NEBL: variants seen among roughly 807,000 people sequenced by gnomAD.
The protein encoded by NEBL is nebulette, also known as LIM and SH3 protein 2.
In NEBL, 122 loss-of-function variants were observed where a neutral mutation model predicts 140.2. The observed-to-expected ratio is 0.87, with a 90% confidence interval of 0.75 to 1.01. The LOEUF (loss-of-function observed/expected upper bound fraction) is 1.01, where lower values mean the gene tolerates loss of function less well. NEBL is among the 50% of genes least tolerant of loss of function. NEBL has a pLI of 0.00. For missense variants in NEBL, 1,365 were observed against 1,231.3 expected (o/e 1.11, Z -1.62); for synonymous variants, 436 against 398.9 (o/e 1.09, Z -1.11).
chr10:21,166,112 C>G (rs561043068), intron 2 of NEBL, among the ~76,000 whole-genome samples: 1 of 148,030 alleles, frequency 6.8e-6, no homozygotes, highest in South Asian at 2.2e-4. Context: ...CCCAGCTACT[C>G]CGGAGGCTGA....
chr10:20,936,947 T>C (rs945184335), intron 4 of NEBL, among the ~76,000 whole-genome samples: 1 of 152,164 alleles, frequency 6.6e-6, no homozygotes, highest in Admixed American at 6.5e-5. Flanking sequence ...TCATCAAACA[T>C]CCCGTTTTTT....
At chr10:21,261,654 A>AAAAG (rs945499660) in intron 1 of NEBL, among the ~76,000 whole-genome samples, 5 of 152,144 alleles carry the variant, frequency 3.3e-5, no homozygotes, top group African/African-American at 1.2e-4. Context: ...CTCAAAAAAA[A>AAAAG]AAAGAAAGAA....
chr10:21,228,743 A>T (rs752756828), intron 3 of NEBL, among the ~76,000 whole-genome samples: 1 of 152,234 alleles, frequency 6.6e-6, no homozygotes, highest in Non-Finnish European at 1.5e-5. Context: ...TATAACCATA[A>T]TGGAGATATT....
chr10:21,286,179 G>A (rs959470357), intron 1 of NEBL, among the ~76,000 whole-genome samples: 1 of 152,098 alleles, frequency 6.6e-6, no homozygotes, highest in African/African-American at 2.4e-5. Flanking sequence ...ATCCTATTGT[G>A]TTCTTGAAAC....
intron 16 of NEBL, among the ~76,000 whole-genome samples, chr10:20,829,724 CTA>C (rs2082604158): frequency 6.6e-6 from 1 of 151,996 alleles, no homozygotes; most frequent in South Asian, 2.1e-4. Flanking sequence ...TCACACCACA[CTA>C]AAAAAAAATC....
chr10:21,243,481 A>G (rs562830058), intron 3 of NEBL, among the ~76,000 whole-genome samples: 1 of 151,600 alleles, frequency 6.6e-6, no homozygotes, highest in South Asian at 2.1e-4. Context: ...TAATTTTTGT[A>G]TTTTTAGTAG....
intron 2 of NEBL, among the ~76,000 whole-genome samples, chr10:21,087,664 G>C (rs896589153): frequency 6.6e-6 from 1 of 152,122 alleles, no homozygotes; most frequent in East Asian, 1.9e-4. Flanking sequence ...ATAATGTCTT[G>C]GAGCTTTGGA....
chr10:21,047,826 C>T (rs559438493), intron 2 of NEBL, among the ~76,000 whole-genome samples: 121 of 152,274 alleles, frequency 7.9e-4, no homozygotes, highest in Non-Finnish European at 1.3e-3. Flanking sequence ...GAATCTTCCC[C>T]GCATGCCCGA....
At chr10:21,009,515 G>T (rs1195308452) in intron 3 of NEBL, among the ~76,000 whole-genome samples, 1 of 152,096 alleles carries the variant, frequency 6.6e-6, no homozygotes, top group Non-Finnish European at 1.5e-5. Context: ...CCTGACCCTT[G>T]ACTTCACCAA....
At chr10:21,101,623 A>C (rs1837481085) in intron 2 of NEBL, among the ~76,000 whole-genome samples, 1 of 152,206 alleles carries the variant, frequency 6.6e-6, no homozygotes, top group African/African-American at 2.4e-5. Flanking sequence ...CACCTTGTTT[A>C]AGCCACTGTT....
At chr10:20,792,190 G>A (rs898307948) in intron 26 of NEBL, among the ~76,000 whole-genome samples, 1 of 151,220 alleles carries the variant, frequency 6.6e-6, no homozygotes, top group African/African-American at 2.4e-5. Context: ...TAGATGTAAT[G>A]TGAAAAGAGA....
chr10:20,957,643 T>C (rs1371629293), intron 4 of NEBL, among the ~76,000 whole-genome samples: 6 of 152,126 alleles, frequency 3.9e-5, no homozygotes, highest in Admixed American at 1.3e-4. Context: ...CATACACAGA[T>C]ATACGCACAC....
intron 16 of NEBL, 71 bp from the exon 17 acceptor site, chr10:20,828,705 G>A: frequency 9.2e-6 from 9 of 978,416 alleles, no homozygotes; most frequent in Non-Finnish European, 1.4e-5. Context: ...AGGGAGGGAG[G>A]CAGGAAAGGA....
At chr10:21,209,585 A>T (rs1016830275) in intron 3 of NEBL, among the ~76,000 whole-genome samples, 1 of 151,994 alleles carries the variant, frequency 6.6e-6, no homozygotes, top group Non-Finnish European at 1.5e-5. Context: ...ACATAAGCAG[A>T]AGTCTGCAGG....
intron 26 of NEBL, among the ~76,000 whole-genome samples, chr10:20,792,971 C>T (rs1286103540): frequency 1.3e-5 from 2 of 152,116 alleles, no homozygotes; most frequent in African/African-American, 4.8e-5. Flanking sequence ...GATCACAAGA[C>T]ATAAGTGGGA....
intron 2 of NEBL, among the ~76,000 whole-genome samples, chr10:21,109,545 T>G (rs1837876730): frequency 6.6e-6 from 1 of 152,200 alleles, no homozygotes; most frequent in South Asian, 2.1e-4. Context: ...CCTCTTTTTC[T>G]ATTGATTGGA....
intron 5 of NEBL, among the ~76,000 whole-genome samples, chr10:20,874,072 T>TTTCTTCC (rs1205353296): frequency 2.4e-4 from 37 of 152,214 alleles, no homozygotes; most frequent in African/African-American, 8.7e-4. Flanking sequence ...GTGATTCTGG[T>TTTCTTCC]TTCTTCCATA....
chr10:21,139,868 G>T (rs1032406284), intron 2 of NEBL, among the ~76,000 whole-genome samples: 1 of 151,876 alleles, frequency 6.6e-6, no homozygotes, highest in Non-Finnish European at 1.5e-5. Flanking sequence ...TATGGAACAT[G>T]GTCAGGCACT....
chr10:20,915,819 A>C lies in NEBL; in HGVS notation c.357+45853T>G, dbSNP rs1848531852. 2.0e-5 allele frequency among the ~76,000 whole-genome samples: 3 copies of C among 152,214 alleles called. No individual in the cohort carries two copies. The South Asian group carries it at 6.2e-4, about 31-fold the overall frequency. On this transcript the variant is annotated intron_variant, in intron 4 of 6. Coordinates refer to the NEBL transcript ENST00000417816. ...TGGTATTTCTAGTTCTAGATCCCTG[A>C]GGAATCACCACACTGACTTCCCCAA...
Sources: gnomAD v4.1 joint callset for allele counts (sites outside exome capture counted in the v4.1 genomes callset) on GRCh38, gnomAD v4.1.1 for gene constraint, MANE v1.5 for transcripts, NCBI Gene and HGNC (gene_info 2026-07-23, HGNC 2026-07-21) for gene names.